Variants in PTPRD observed in about 807,000 individuals in gnomAD.
The protein encoded by PTPRD is protein tyrosine phosphatase receptor type D.
Under a neutral mutation model 214.5 loss-of-function variants are expected in PTPRD, and 34 were observed. That is an observed-to-expected ratio of 0.16 (90% confidence interval 0.12 to 0.21). The LOEUF (loss-of-function observed/expected upper bound fraction) is 0.21, where lower values mean the gene tolerates loss of function less well. Among genes scored for constraint, PTPRD ranks in the 10% least tolerant of loss-of-function variants. The pLI is 1.00. For synonymous variants in PTPRD, 1,128 were observed against 845.7 expected, an observed-to-expected ratio of 1.33 and a Z score of -5.79; for missense variants, 2,545 against 2,398.7, an observed-to-expected ratio of 1.06 and a Z score of -1.27.
chr9:8,903,280 C>G (rs1449635654), intron 11 of PTPRD, among the ~76,000 whole-genome samples: 7 of 152,032 alleles, frequency 4.6e-5, no homozygotes, highest in Admixed American at 3.3e-4. Context: ...TAGTACTCGA[C>G]TATTAGTTTT....
chr9:9,212,907 C>T (rs1337888536), intron 9 of PTPRD, among the ~76,000 whole-genome samples: 1 of 152,114 alleles, frequency 6.6e-6, no homozygotes, highest in Non-Finnish European at 1.5e-5. Flanking sequence ...GTCATTTGAA[C>T]TCCCGTGCCT....
chr9:9,011,562 T>C (rs768358499), intron 11 of PTPRD, among the ~76,000 whole-genome samples: 24 of 152,164 alleles, frequency 1.6e-4, no homozygotes, highest in Non-Finnish European at 3.1e-4. Context: ...GGTCACATGC[T>C]ATTCCCTGCC....
In PTPRD at chr9:8,913,600, TG is replaced by T. The variant is rs1223066086; in HGVS notation, c.-104+105096del. Among the ~76,000 whole-genome samples the T allele has an allele frequency of 7.9e-5, 12 of 152,222 alleles. 1 individual carries two copies. The highest frequency in any genetic ancestry group is 3.4e-3 in the Middle Eastern group (1 of 294). On this transcript the variant is annotated intron_variant, in intron 11 of 45. Coordinates refer to ENST00000381196, the MANE Select transcript of PTPRD (RefSeq NM_002839.4). ...TGACTTCCATTTAATTGCTATACAT[TG>T]GTATTCTGACCTAAATTTAGGAATG...
At chr9:10,442,590 T>C (rs189857396) in intron 2 of PTPRD, among the ~76,000 whole-genome samples, 1 of 151,560 alleles carries the variant, frequency 6.6e-6, no homozygotes, top group African/African-American at 2.4e-5. Context: ...AAGCAAGGGT[T>C]AATAAGGGAG....
intron 2 of PTPRD, among the ~76,000 whole-genome samples, chr9:10,368,685 T>TA (rs1215109409): frequency 2.6e-5 from 4 of 152,070 alleles, no homozygotes; most frequent in African/African-American, 9.6e-5. Context: ...GGGAAGGAAC[T>TA]AAAAAGACTT....
intron 36 of PTPRD, among the ~76,000 whole-genome samples, chr9:8,389,874 TA>T: frequency 6.6e-6 from 1 of 152,272 alleles, no homozygotes; most frequent in East Asian, 1.9e-4. Flanking sequence ...GAAACTCATA[TA>T]TAAACTCATT....
At chr9:8,639,141 T>A (rs920454874) in intron 12 of PTPRD, among the ~76,000 whole-genome samples, 25 of 152,172 alleles carry the variant, frequency 1.6e-4, no homozygotes, top group Non-Finnish European at 3.2e-4. Flanking sequence ...ACGCCCGGCC[T>A]CAAAATAATT....
At chr9:9,612,458 G>C (rs772641590) in intron 7 of PTPRD, among the ~76,000 whole-genome samples, 3 of 152,272 alleles carry the variant, frequency 2.0e-5, no homozygotes, top group Non-Finnish European at 4.4e-5. Flanking sequence ...TGCACCTGTT[G>C]TTTTGCTGAG....
intron 11 of PTPRD, among the ~76,000 whole-genome samples, chr9:8,914,731 G>A (rs545642948): frequency 2.0e-4 from 30 of 152,098 alleles, no homozygotes; most frequent in Non-Finnish European, 3.2e-4. Flanking sequence ...AAGTGTACGT[G>A]AATATTGAAA....
chr9:10,262,164 G>A (rs181258255), intron 3 of PTPRD, among the ~76,000 whole-genome samples: 2 of 151,672 alleles, frequency 1.3e-5, no homozygotes, highest in Admixed American at 1.3e-4. Flanking sequence ...GGTCTAAAAA[G>A]GTGAAATTAA....
intron 8 of PTPRD, among the ~76,000 whole-genome samples, chr9:9,556,621 TGCTAGGGCCCCATCTAAGATAAATGAA>T (rs1215001882): frequency 6.6e-6 from 1 of 152,230 alleles, no homozygotes; most frequent in East Asian, 1.9e-4. Context: ...AAGTTATTGT[TGCTAGGGCCCCATCTAAGATAAATGAA>T]TTGTTTAAAG....
rs946454081 is a variant in PTPRD, at chr9:10,060,774, G to T, written c.-544-26984C>A. 8.1e-5 allele frequency among the ~76,000 whole-genome samples: 12 copies of T among 147,656 alleles called. 3 individuals carry two copies. Among genetic ancestry groups the T allele is most frequent in the Middle Eastern group, 3.4e-3 (1 of 292 alleles). On this transcript the variant is annotated intron_variant, in intron 3 of 45. Transcript: ENST00000381196. ...CATCAGCATACCAATCACAGGTCTT[G>T]CTTTTCTTTCTTTCTTTCTTTCTTT...
chr9:9,286,611 T>G (rs901669182), intron 9 of PTPRD, among the ~76,000 whole-genome samples: 1 of 151,528 alleles, frequency 6.6e-6, no homozygotes, highest in African/African-American at 2.4e-5. Flanking sequence ...AAATAAAACA[T>G]GCTCTATAGA....
At chr9:10,377,515 C>T (rs935321580) in intron 2 of PTPRD, among the ~76,000 whole-genome samples, 1 of 151,864 alleles carries the variant, frequency 6.6e-6, no homozygotes, top group African/African-American at 2.4e-5. Context: ...TGTTCAATTC[C>T]CACCTATGAG....
At chr9:10,015,184 A>G (rs1224579048) in intron 4 of PTPRD, among the ~76,000 whole-genome samples, 3 of 152,146 alleles carry the variant, frequency 2.0e-5, no homozygotes, top group Admixed American at 2.0e-4. Flanking sequence ...ATTATGGGCA[A>G]CAATAACTCA....
chr9:10,103,056 A>G (rs941233303), intron 3 of PTPRD, among the ~76,000 whole-genome samples: 17 of 151,660 alleles, frequency 1.1e-4, no homozygotes, highest in Non-Finnish European at 4.4e-5. Context: ...AAATTTAATA[A>G]TGTAAACAAC....
chr9:9,960,916 C>T (rs1212153598), intron 4 of PTPRD, among the ~76,000 whole-genome samples: 2 of 152,024 alleles, frequency 1.3e-5, no homozygotes, highest in Non-Finnish European at 2.9e-5. Flanking sequence ...ACTCATCTGA[C>T]AAAGGGCTAA....
At chr9:9,666,150 A>G (rs1564415830) in intron 7 of PTPRD, among the ~76,000 whole-genome samples, 2 of 151,886 alleles carry the variant, frequency 1.3e-5, no homozygotes, top group Non-Finnish European at 2.9e-5. Flanking sequence ...TGAAGTATAT[A>G]TGTATTAAAG....
intron 8 of PTPRD, among the ~76,000 whole-genome samples, chr9:9,511,027 T>G (rs1179221191): frequency 6.6e-6 from 1 of 151,718 alleles, no homozygotes; most frequent in Non-Finnish European, 1.5e-5. Context: ...GAGCAAAATA[T>G]CCACTCCAAA....
Sources: gnomAD v4.1 joint callset for allele counts (sites outside exome capture counted in the v4.1 genomes callset) on GRCh38, gnomAD v4.1.1 for gene constraint, MANE v1.5 for transcripts, NCBI Gene and HGNC (gene_info 2026-07-23, HGNC 2026-07-21) for gene names.